The following BDH1 variants were observed in gnomAD, a reference collection of about 807,000 sequenced individuals.
BDH1 encodes the protein D-beta-hydroxybutyrate dehydrogenase, mitochondrial.
In BDH1, 30 loss-of-function variants were observed where a neutral mutation model predicts 33.1. That is an observed-to-expected ratio of 0.91 (90% CI 0.68 to 1.23). The LOEUF (loss-of-function observed/expected upper bound fraction) is 1.23. BDH1 is among the 50% of genes most tolerant of loss of function. The pLI, the probability that BDH1 is intolerant of heterozygous loss-of-function variation, is 0.00. For missense variants in BDH1, 443 were observed against 464.4 expected, an observed-to-expected ratio of 0.95 and a Z score of 0.42; for synonymous variants, 190 against 183.6, an observed-to-expected ratio of 1.03 and a Z score of -0.28.
intron 6 of BDH1, among the ~76,000 whole-genome samples, chr3:197,517,001 C>A (rs780978867): frequency 1.3e-5 from 2 of 152,084 alleles, no homozygotes; most frequent in African/African-American, 4.8e-5. Flanking sequence ...GGGATTTGGA[C>A]CCAGATCTCT....
intron 2 of BDH1, among the ~76,000 whole-genome samples, chr3:197,552,238 C>T (rs1716637727): frequency 6.6e-6 from 1 of 152,152 alleles, no homozygotes; most frequent in Non-Finnish European, 1.5e-5. Flanking sequence ...CCTATCAATG[C>T]CACCTTCACA....
At chr3:197,513,315 GT>G (rs1322550894) in intron 7 of BDH1, among the ~76,000 whole-genome samples, 162 of 151,628 alleles carry the variant, frequency 1.1e-3, no homozygotes, top group African/African-American at 3.6e-3. Flanking sequence ...ATCCAGGTGT[GT>G]CCCGGGGAGG....
At chr3:197,549,882 A>G (rs2108762416) in intron 2 of BDH1, among the ~76,000 whole-genome samples, 1 of 152,104 alleles carries the variant, frequency 6.6e-6, no homozygotes, top group South Asian at 2.1e-4. Context: ...AACTATCCAT[A>G]TCATCTTTGT....
At chr3:197,551,136 A>C (rs569648268) in intron 2 of BDH1, among the ~76,000 whole-genome samples, 7 of 152,256 alleles carry the variant, frequency 4.6e-5, no homozygotes, top group African/African-American at 1.7e-4. Flanking sequence ...TCGCTGTGTT[A>C]TGCTAGCAAA....
chr3:197,566,703 T>C (rs1717445362), intron 1 of BDH1, among the ~76,000 whole-genome samples: 1 of 152,248 alleles, frequency 6.6e-6, no homozygotes, highest in Non-Finnish European at 1.5e-5. Flanking sequence ...AAAACTATAG[T>C]ACAGCAGTTG....
intron 7 of BDH1, among the ~76,000 whole-genome samples, chr3:197,513,238 G>T (rs1712272511): frequency 1.3e-5 from 2 of 152,234 alleles, no homozygotes; most frequent in African/African-American, 4.8e-5. Flanking sequence ...GAAGTGGATT[G>T]CATTTGGCCC....
rs1281757944 is a variant in BDH1 at position 197,526,511 on chromosome 3, C to T, written c.268-3730G>A. ...TCTACAAAGATTCTGCCACGGAGACCTCCGACTGCCACTCCAGACGCAGGG... is the reference window on the plus strand; with the variant it reads ...TCTACAAAGATTCTGCCACGGAGACTTCCGACTGCCACTCCAGACGCAGGG... On this transcript the variant is annotated intron_variant, in intron 5 of 7. Coordinates refer to ENST00000392379, the MANE Select transcript of BDH1 (RefSeq NM_203314.3). This position sits in a 1 kb window ranked among gnomAD's most constrained non-coding sequence, Gnocchi z 4.7. Among the ~76,000 whole-genome samples the T allele has an allele frequency of 6.6e-6, 1 of 152,198 alleles. No individual in the cohort carries two copies. The highest frequency in any genetic ancestry group is 1.9e-4 in the East Asian group (1 of 5,198).
At chr3:197,552,054 C>T (rs1716621050) in intron 2 of BDH1, among the ~76,000 whole-genome samples, 1 of 152,212 alleles carries the variant, frequency 6.6e-6, no homozygotes, top group African/African-American at 2.4e-5. Flanking sequence ...ACCTTCTCCC[C>T]TGAACTCAGA....
chr3:197,530,585 G>GA lies in BDH1; in HGVS notation c.267+1826dup, dbSNP rs1247126048. 1,080 of 126,362 alleles carry GA rather than the reference G, an allele frequency of 8.5e-3. 12 individuals are homozygous for GA. The highest frequency in any genetic ancestry group is 0.025 in the African/African-American group (871 of 34,420). The allele number at this position is 126,362 out of a possible 1,614,324, so 7.8% of individuals were successfully genotyped here. A position where few individuals can be genotyped will look rare whatever the true frequency, so the allele number is the denominator to read the frequency against. On this transcript the variant is annotated intron_variant, in intron 5 of 7. Coordinates refer to ENST00000392379, the MANE Select transcript of BDH1 (RefSeq NM_203314.3). ...GAGCAAAACTCCATCTCAAAAAAAAGAAAAAAAAAAAAGATAACCCCCCAA... is the reference window on the plus strand; with the variant it reads ...GAGCAAAACTCCATCTCAAAAAAAAGAAAAAAAAAAAAAGATAACCCCCCAA...
At chr3:197,552,071 C>T (rs1182768437) in intron 2 of BDH1, among the ~76,000 whole-genome samples, 1 of 152,172 alleles carries the variant, frequency 6.6e-6, no homozygotes, top group African/African-American at 2.4e-5. Flanking sequence ...CAGACAACTG[C>T]GCATCTAACA....
chr3:197,543,240 G>A (rs1715805432), intron 3 of BDH1: 2 of 947,054 alleles, frequency 2.1e-6, no homozygotes, highest in Non-Finnish European at 2.5e-6. Context: ...CCTCACGGCA[G>A]CATCTGTGAA....
chr3:197,534,955 T>G (rs918918274), intron 3 of BDH1, among the ~76,000 whole-genome samples: 3 of 152,226 alleles, frequency 2.0e-5, no homozygotes, highest in Non-Finnish European at 4.4e-5. Flanking sequence ...TTCTGGAAGC[T>G]GGGGAGTTGA....
chr3:197,524,848 C>T lies in BDH1; in HGVS notation c.268-2067G>A, dbSNP rs545710889. On this transcript the variant is annotated intron_variant, in intron 5 of 7. Coordinates refer to ENST00000392379, the MANE Select transcript of BDH1 (RefSeq NM_203314.3). ...GATCTCCCCTACCTAACACCGCTTC[C>T]GTTCCTGGACTGTCGTCTTCACCGC... 1.6e-4 allele frequency among the ~76,000 whole-genome samples: 24 copies of T among 152,208 alleles called. No homozygotes were observed. The South Asian group carries it at 2.7e-3, about 17-fold the overall frequency.
chr3:197,527,118 G>A (rs778620147), intron 5 of BDH1, among the ~76,000 whole-genome samples: 3 of 152,198 alleles, frequency 2.0e-5, no homozygotes, highest in Non-Finnish European at 4.4e-5. Flanking sequence ...AGAACATGAG[G>A]ACACTCGACA....
intron 6 of BDH1, chr3:197,515,749 C>T (rs116946316): frequency 0.017 from 16,630 of 984,376 alleles, 217 homozygotes; most frequent in East Asian, 0.1. Flanking sequence ...TCCTGTAATA[C>T]AAAGATTAGC....
Position 197,512,131 on chromosome 3 carries a change from C to A in BDH1, c.796G>T (p.Glu266Ter). ...IAKKMWEELP[E>*]VVRKDYGKKY... ...TTGCCGTAGTCCTTGCGCACGACCT[C>A]AGGCAGCTCCTCCCACATCTTCTTG... Residue 266 changes from glutamate to a stop codon, truncating the protein, a stop_gained, in exon 8 of 8, where the codon GAG (glutamate) becomes TAG (stop). Coordinates refer to ENST00000392379, the MANE Select transcript of BDH1 (RefSeq NM_203314.3). LOFTEE classifies it high-confidence loss of function. 1 of 1,614,216 alleles carries A rather than the reference C, an allele frequency of 6.2e-7. No homozygotes were observed. The highest frequency in any genetic ancestry group is 8.5e-7 in the Non-Finnish European group (1 of 1,180,038).
chr3:197,546,018 T>C (rs941558561), intron 3 of BDH1: 1 of 172,154 alleles, frequency 5.8e-6, no homozygotes, highest in African/African-American at 2.4e-5. Context: ...GTGCCTGTAA[T>C]CCCAGCTACT....
intron 2 of BDH1, among the ~76,000 whole-genome samples, chr3:197,547,841 C>T (rs1020061030): frequency 1.5e-4 from 22 of 151,012 alleles, no homozygotes; most frequent in African/African-American, 4.7e-4. Flanking sequence ...CTCAGAGTAC[C>T]GGCTCCTGCT....
chr3:197,531,528 G>A (rs534252923), intron 5 of BDH1, among the ~76,000 whole-genome samples: 1 of 151,226 alleles, frequency 6.6e-6, no homozygotes, highest in Non-Finnish European at 1.5e-5. Flanking sequence ...AGCTACTGAT[G>A]CATTCTGCAA....
Sources: gnomAD v4.1 joint callset for allele counts (sites outside exome capture counted in the v4.1 genomes callset) on GRCh38, gnomAD v4.1.1 for gene constraint, Gnocchi (gnomAD v3.1) non-coding constraint, MANE v1.5 for transcripts, NCBI Gene and HGNC (gene_info 2026-07-23, HGNC 2026-07-21) for gene names.